The following RFX8 variants were observed in gnomAD, a reference collection of about 807,000 sequenced individuals.
RFX8 encodes the protein DNA-binding protein RFX8.
RFX8 carries 46 observed loss-of-function variants against 54.6 expected under a neutral mutation model. The ratio of observed to expected loss-of-function variants is 0.84; its 90% CI spans 0.67 to 1.08. RFX8 has a LOEUF of 1.08. RFX8 is among the 50% of genes least tolerant of loss of function. The pLI is 0.00. For missense variants in RFX8, 536 were observed against 562.3 expected (o/e 0.95, Z 0.47); for synonymous variants, 192 against 209.5 (o/e 0.92, Z 0.72).
chr2:101,449,229 C>G (rs1422220196), intron 2 of RFX8, among the ~76,000 whole-genome samples: 1 of 152,146 alleles, frequency 6.6e-6, no homozygotes, highest in Non-Finnish European at 1.5e-5. Context: ...TGGCTAACAC[C>G]AGCCTAGGGT....
chr2:101,408,368 T>C (rs890341844), intron 9 of RFX8, among the ~76,000 whole-genome samples: 12 of 151,842 alleles, frequency 7.9e-5, no homozygotes, highest in Admixed American at 6.6e-4. Context: ...ACCTGTAGTC[T>C]CAGCTACTCG....
At chr2:101,432,913 G>A (rs961675895) in intron 2 of RFX8, among the ~76,000 whole-genome samples, 5 of 152,262 alleles carry the variant, frequency 3.3e-5, no homozygotes, top group Admixed American at 2.6e-4. Context: ...AGGCGAGTCC[G>A]TCCTCAGGTC....
At chr2:101,453,558 G>A (rs1185167501) in intron 2 of RFX8, among the ~76,000 whole-genome samples, 1 of 152,112 alleles carries the variant, frequency 6.6e-6, no homozygotes, top group Non-Finnish European at 1.5e-5. Flanking sequence ...TAGCCTAGGT[G>A]ACAAGGGTGA....
chr2:101,470,298 G>A (rs1689902440), intron 1 of RFX8, among the ~76,000 whole-genome samples: 1 of 152,130 alleles, frequency 6.6e-6, no homozygotes, highest in African/African-American at 2.4e-5. Context: ...ATCAAAATCT[G>A]GAATGGAAGC....
At chr2:101,441,748 A>G (rs772007287) in intron 2 of RFX8, among the ~76,000 whole-genome samples, 6 of 152,306 alleles carry the variant, frequency 3.9e-5, no homozygotes, top group South Asian at 4.1e-4. Flanking sequence ...TGCATGTTAC[A>G]TCTTTTCCAT....
intron 1 of RFX8, among the ~76,000 whole-genome samples, chr2:101,469,080 G>GTT (rs1491455388): frequency 1.2e-4 from 1 of 8,066 alleles, no homozygotes. Context: ...ATATATATAA[G>GTT]TGTATATATA....
At chr2:101,418,226 A>AT (rs946622863) in intron 5 of RFX8, among the ~76,000 whole-genome samples, 46 of 152,184 alleles carry the variant, frequency 3.0e-4, no homozygotes, top group Non-Finnish European at 4.7e-4. Context: ...TGATTCAAGT[A>AT]TTTTTTTAAA....
chr2:101,448,986 G>C (rs1035358132), intron 2 of RFX8, among the ~76,000 whole-genome samples: 1 of 152,192 alleles, frequency 6.6e-6, no homozygotes, highest in African/African-American at 2.4e-5. Context: ...CATTGTTGGG[G>C]ATGGTCCCAT....
chr2:101,437,836 A>G (rs909436418), intron 2 of RFX8, among the ~76,000 whole-genome samples: 25 of 146,480 alleles, frequency 1.7e-4, no homozygotes, highest in African/African-American at 6.0e-4. Context: ...ATTTATTTCT[A>G]CACAATCGTA....
intron 2 of RFX8, among the ~76,000 whole-genome samples, chr2:101,459,965 A>G (rs1689179462): frequency 6.6e-6 from 1 of 151,734 alleles, no homozygotes; most frequent in South Asian, 2.1e-4. Context: ...CCCACCCCCC[A>G]CCTGGCCGCA....
At chr2:101,419,880 C>T (rs1294305612) in intron 4 of RFX8, among the ~76,000 whole-genome samples, 1 of 152,122 alleles carries the variant, frequency 6.6e-6, no homozygotes, top group Non-Finnish European at 1.5e-5. Context: ...AGGCTGGGAA[C>T]CTCGGAGCAA....
chr2:101,398,259 G>A (rs529019174), intron 11 of RFX8, among the ~76,000 whole-genome samples: 8 of 152,176 alleles, frequency 5.3e-5, no homozygotes, highest in Non-Finnish European at 8.8e-5. Flanking sequence ...GTGCAGGGGC[G>A]GGGAGCTGAT....
At chr2:101,399,824 G>T (rs748486578) in intron 11 of RFX8, among the ~76,000 whole-genome samples, 5 of 152,166 alleles carry the variant, frequency 3.3e-5, no homozygotes, top group Non-Finnish European at 7.3e-5. Context: ...TACCAGGATT[G>T]CCCTTATCAG....
chr2:101,474,497 C>G lies in RFX8; in HGVS notation c.-53+139G>C, dbSNP rs865944872. On this transcript the variant is annotated intron_variant, in intron 1 of 11. Transcript: ENST00000428343. ...CGGGAGGCCACAGCTCCCCAACCCCCGCGCCCCGCCGAGGATGCGCGGACC... is the reference window on the plus strand; with the variant it reads ...CGGGAGGCCACAGCTCCCCAACCCCGGCGCCCCGCCGAGGATGCGCGGACC... 6 of 339,982 alleles carry G rather than the reference C, an allele frequency of 1.8e-5. 1 individual carries two copies. The highest frequency in any genetic ancestry group is 6.4e-5 in the African/African-American group (3 of 46,564). The allele number at this position is 339,982 out of a possible 1,614,324, so 21.1% of individuals were successfully genotyped here. A position where few individuals can be genotyped will look rare whatever the true frequency, so the allele number is the denominator to read the frequency against.
At chr2:101,471,700 C>G (rs1326964687) in intron 1 of RFX8, among the ~76,000 whole-genome samples, 2 of 152,194 alleles carry the variant, frequency 1.3e-5, no homozygotes, top group African/African-American at 4.8e-5. Context: ...TTTCTGCAGT[C>G]TTTCCTGTCC....
chr2:101,415,185 T>G (rs961133573), intron 6 of RFX8, among the ~76,000 whole-genome samples: 4 of 152,086 alleles, frequency 2.6e-5, no homozygotes, highest in African/African-American at 9.7e-5. Flanking sequence ...ACCCCAAATT[T>G]CATATGTTGA....
rs537308375 is a variant in RFX8 at position 101,457,365 on chromosome 2, C to T, written c.72+9412G>A. Among the ~76,000 whole-genome samples, 465 of 152,266 alleles carry T rather than the reference C, an allele frequency of 3.1e-3. 3 individuals are homozygous for T. The highest frequency in any genetic ancestry group is 0.011 in the African/African-American group (446 of 41,552). On this transcript the variant is annotated intron_variant, in intron 2 of 11. Coordinates refer to ENST00000428343, the MANE Select transcript of RFX8 (RefSeq NM_001145664.2). ...ATTTAGTGCTATAAATTTCCCTCTA[C>T]GCACACTTTAAATGTGTCCCAGAGA...
At chr2:101,438,540 T>C (rs1248457238) in intron 2 of RFX8, among the ~76,000 whole-genome samples, 1 of 152,228 alleles carries the variant, frequency 6.6e-6, no homozygotes, top group Non-Finnish European at 1.5e-5. Context: ...TTGCTATGAA[T>C]GTTTGTGTGC....
At chr2:101,414,808 T>C (rs1558847420) in intron 7 of RFX8, 46 bp downstream of exon 7, 2 of 1,413,998 alleles carry the variant, frequency 1.4e-6, no homozygotes, top group Non-Finnish European at 2.0e-6. Context: ...TCACCTCTTT[T>C]CAGGAAACTG....
Sources: gnomAD v4.1 joint callset for allele counts (sites outside exome capture counted in the v4.1 genomes callset) on GRCh38, gnomAD v4.1.1 for gene constraint, MANE v1.5 for transcripts, NCBI Gene and HGNC (gene_info 2026-07-23, HGNC 2026-07-21) for gene names.